SUSD4: variants seen among roughly 807,000 people sequenced by gnomAD.
SUSD4 encodes sushi domain containing 4.
Under a neutral mutation model 50.5 loss-of-function variants are expected in SUSD4, and 41 were observed. The observed-to-expected ratio is 0.81, with a 90% confidence interval of 0.63 to 1.05. The LOEUF (loss-of-function observed/expected upper bound fraction) is 1.05, where lower values mean the gene tolerates loss of function less well. Ranked by LOEUF, SUSD4 falls within the 50% of genes least tolerant of loss-of-function variation. SUSD4 has a pLI of 0.00. For synonymous variants in SUSD4, 257 were observed against 257.3 expected, an observed-to-expected ratio of 1.00 and a Z score of 0.01; for missense variants, 580 against 634.7, an observed-to-expected ratio of 0.91 and a Z score of 0.93.
intron 2 of SUSD4, among the ~76,000 whole-genome samples, chr1:223,296,146 CCTGCAGTA>C (rs1432645798): frequency 6.6e-6 from 1 of 152,052 alleles, no homozygotes; most frequent in African/African-American, 2.4e-5. Context: ...TTTCAAGGCT[CCTGCAGTA>C]CTCCAGGTGA....
intron 3 of SUSD4, 90 bp downstream of exon 3, chr1:223,292,349 A>G (rs1664544507): frequency 1.4e-6 from 2 of 1,396,702 alleles, no homozygotes; most frequent in East Asian, 2.3e-5. Context: ...AGAAGAGCCC[A>G]GGGTATTGAG....
At chr1:223,222,351 A>G (rs563977946) in intron 8 of SUSD4, 131 bp from the exon 9 acceptor site, 7 of 828,162 alleles carry the variant, frequency 8.5e-6, no homozygotes, top group African/African-American at 1.7e-5. Flanking sequence ...AGTTCCACAT[A>G]CCAGTTAATA....
rs1659587506 is a variant in SUSD4, at chr1:223,227,374, G to A, written c.1061+220C>T. On this transcript the variant is annotated intron_variant, in intron 7 of 8. Coordinates refer to ENST00000366878, the MANE Select transcript of SUSD4 (RefSeq NM_017982.4). The surrounding 1 kb of genome is among the most constrained non-coding windows in gnomAD (Gnocchi z 4.5). Reference sequence around the variant, plus strand: ...CCCCCCATGATGCCCACCTGCAAATGGTCTACTGCAGGAAGGAGGGAGAGA... The same window carrying A: ...CCCCCCATGATGCCCACCTGCAAATAGTCTACTGCAGGAAGGAGGGAGAGA... 1.3e-5 allele frequency among the ~76,000 whole-genome samples: 2 copies of A among 152,084 alleles called. No individual in the cohort carries two copies. The highest frequency in any genetic ancestry group is 4.1e-4 in the South Asian group (2 of 4,820).
chr1:223,225,340 C>A (rs1339379627), intron 7 of SUSD4, among the ~76,000 whole-genome samples: 1 of 152,162 alleles, frequency 6.6e-6, no homozygotes, highest in Non-Finnish European at 1.5e-5. Flanking sequence ...GGAGGGGAAG[C>A]ACAGGCTGTG....
chr1:223,294,137 C>A (rs913958262), intron 2 of SUSD4, among the ~76,000 whole-genome samples: 4 of 152,186 alleles, frequency 2.6e-5, no homozygotes, highest in Non-Finnish European at 4.4e-5. Context: ...AATCAATAGA[C>A]AAATCCTTAC....
chr1:223,289,056 G>C, intron 3 of SUSD4: 1 of 971,050 alleles, frequency 1.0e-6, no homozygotes, highest in Non-Finnish European at 1.2e-6. Flanking sequence ...AGACATAACT[G>C]AGTTGGTTTT....
chr1:223,337,394 T>C (rs1401011454), intron 2 of SUSD4, among the ~76,000 whole-genome samples: 1 of 152,230 alleles, frequency 6.6e-6, no homozygotes, highest in Non-Finnish European at 1.5e-5. Context: ...CGGCACTTTA[T>C]AGAGCCTACC....
At chr1:223,242,241 C>A (rs564438064) in intron 5 of SUSD4, among the ~76,000 whole-genome samples, 1 of 152,258 alleles carries the variant, frequency 6.6e-6, no homozygotes, top group South Asian at 2.1e-4. Context: ...CTGAACCCAG[C>A]CAAAATTAGA....
intron 8 of SUSD4, among the ~76,000 whole-genome samples, chr1:223,222,810 G>T (rs929653007): frequency 3.3e-5 from 5 of 152,190 alleles, no homozygotes; most frequent in African/African-American, 1.2e-4. Context: ...AGAACACACT[G>T]CTGGGCCCTA....
rs948944241 is a variant in SUSD4 at position 223,273,526 on chromosome 1, G to C, written c.362-4851C>G. ...AGACAGATTATGCCAACAGTATGAT[G>C]TATGGCAGGGGCCTTCGCCATGCCA... On this transcript the variant is annotated intron_variant, in intron 3 of 8. Coordinates refer to ENST00000366878, the MANE Select transcript of SUSD4 (RefSeq NM_017982.4). 2.0e-5 allele frequency among the ~76,000 whole-genome samples: 3 copies of C among 152,246 alleles called. No individual in the cohort carries two copies. In the East Asian group the frequency reaches 5.8e-4, roughly 29 times the overall value.
chr1:223,262,393 C>G (rs543166185), intron 5 of SUSD4, among the ~76,000 whole-genome samples: 55 of 152,236 alleles, frequency 3.6e-4, no homozygotes, highest in African/African-American at 1.1e-3. Flanking sequence ...CTTAGGAAGA[C>G]AGAAAGATGA....
At chr1:223,357,312 G>C (rs1244148529) in intron 2 of SUSD4, among the ~76,000 whole-genome samples, 1 of 152,156 alleles carries the variant, frequency 6.6e-6, no homozygotes, top group Non-Finnish European at 1.5e-5. Flanking sequence ...CCTTCTCTCA[G>C]GGCAGGGGGT....
chr1:223,312,362 A>G (rs1665929124), intron 2 of SUSD4, among the ~76,000 whole-genome samples: 1 of 152,156 alleles, frequency 6.6e-6, no homozygotes, highest in South Asian at 2.1e-4. Flanking sequence ...GGACAGAAAA[A>G]AAGTGATCTG....
chr1:223,271,559 G>A (rs1422757836), intron 3 of SUSD4, among the ~76,000 whole-genome samples: 1 of 150,394 alleles, frequency 6.6e-6, no homozygotes, highest in African/African-American at 2.4e-5. Context: ...AAGAAGTAGG[G>A]TCCAAATCCC....
chr1:223,237,759 G>A (rs1252449398), intron 5 of SUSD4, among the ~76,000 whole-genome samples: 2 of 151,914 alleles, frequency 1.3e-5, no homozygotes, highest in East Asian at 3.9e-4. Context: ...GTATTCTGTT[G>A]AGGATTTTTG....
intron 2 of SUSD4, among the ~76,000 whole-genome samples, chr1:223,347,399 C>T (rs1668092645): frequency 6.6e-6 from 1 of 152,148 alleles, no homozygotes; most frequent in Non-Finnish European, 1.5e-5. Flanking sequence ...CTTTCAAGGC[C>T]TAACTTAAAT....
At chr1:223,284,287 A>C (rs941108896) in intron 3 of SUSD4, among the ~76,000 whole-genome samples, 1 of 152,176 alleles carries the variant, frequency 6.6e-6, no homozygotes, top group African/African-American at 2.4e-5. Context: ...ACGAGATCCA[A>C]CCCTAATTGG....
chr1:223,364,394 G>C (rs1421688358), upstream of SUSD4, among the ~76,000 whole-genome samples: 1 of 147,546 alleles, frequency 6.8e-6, no homozygotes, highest in East Asian at 2.0e-4. The surrounding 1 kb of genome is among the most constrained non-coding windows in gnomAD (Gnocchi z 4.5). Flanking sequence ...GGGGCGAGGG[G>C]TGCGCGGGCG....
At chr1:223,360,940 G>A (rs1037933980) in intron 2 of SUSD4, among the ~76,000 whole-genome samples, 1 of 152,196 alleles carries the variant, frequency 6.6e-6, no homozygotes, top group Admixed American at 6.5e-5. Context: ...AAAGTCTGGA[G>A]CAGAAGCAAC....
Sources: allele counts gnomAD v4.1 joint callset (sites outside exome capture counted in the v4.1 genomes callset), GRCh38; gene constraint gnomAD v4.1.1; non-coding constraint Gnocchi (gnomAD v3.1); transcripts MANE v1.5; gene names NCBI Gene and HGNC (gene_info 2026-07-23, HGNC 2026-07-21).